TBC1D22A: variants seen among roughly 807,000 people sequenced by gnomAD.
TBC1D22A encodes TBC1 domain family member 22A.
TBC1D22A carries 38 observed loss-of-function variants against 60.2 expected under a neutral mutation model. That is an observed-to-expected ratio of 0.63 (90% CI 0.49 to 0.83). The LOEUF is 0.83. Among genes scored for constraint, TBC1D22A ranks in the 40% least tolerant of loss-of-function variants. The pLI is 0.00. For synonymous variants in TBC1D22A, 302 were observed against 281.7 expected (o/e 1.07, Z -0.72); for missense variants, 628 against 701.0 (o/e 0.90, Z 1.18).
At chr22:46,770,971 G>A (rs907727652) in intron 1 of TBC1D22A, among the ~76,000 whole-genome samples, 2 of 152,160 alleles carry the variant, frequency 1.3e-5, no homozygotes, top group Non-Finnish European at 2.9e-5. Flanking sequence ...GAGCTGGTGG[G>A]TGAGATTTTG....
intron 12 of TBC1D22A, among the ~76,000 whole-genome samples, chr22:47,114,971 C>T (rs562108534): frequency 4.2e-5 from 6 of 143,998 alleles, no homozygotes; most frequent in Non-Finnish European, 9.0e-5. Context: ...GGTTTGCTTC[C>T]TTGCCATCTG....
chr22:47,121,343 C>T (rs189224689), intron 12 of TBC1D22A, among the ~76,000 whole-genome samples: 8 of 152,248 alleles, frequency 5.3e-5, no homozygotes, highest in South Asian at 4.2e-4. Flanking sequence ...AGCCTTTCCT[C>T]GATCCAGTAA....
At chr22:46,986,581 G>T (rs1223021234) in intron 9 of TBC1D22A, among the ~76,000 whole-genome samples, 1 of 152,050 alleles carries the variant, frequency 6.6e-6, no homozygotes, top group African/African-American at 2.4e-5. Context: ...TTGGTATAGG[G>T]TTTTGCTCAT....
At chr22:46,842,164 AT>A (rs1453991996) in intron 4 of TBC1D22A, among the ~76,000 whole-genome samples, 3 of 152,310 alleles carry the variant, frequency 2.0e-5, no homozygotes, top group African/African-American at 7.2e-5. Context: ...GGCACCATCA[AT>A]TTTGCATTCT....
chr22:47,073,209 G>A (rs954355005), intron 11 of TBC1D22A, among the ~76,000 whole-genome samples: 10 of 152,200 alleles, frequency 6.6e-5, no homozygotes, highest in African/African-American at 2.4e-4. Context: ...GAAAACTCAC[G>A]AGGAAAGAGG....
rs981914940 is a variant in TBC1D22A at position 46,924,099 on chromosome 22, C to T, written c.1015+11911C>T. The stretch of plus-strand genomic sequence containing the variant: ...GCAGACAATTGTATTTTAGCTTAAA[C>T]ATTTTTAGCAGAGCAAGAAACAAAG... On this transcript the variant is annotated intron_variant, in intron 8 of 12. Transcript: ENST00000337137. Among the ~76,000 whole-genome samples the T allele has an allele frequency of 2.6e-5, 4 of 152,210 alleles. No homozygotes were observed. The East Asian group carries it at 7.7e-4, about 29-fold the overall frequency.
In TBC1D22A at chr22:47,068,052, G is replaced by A. The variant is rs752963678; in HGVS notation, c.1329+30854G>A. Among the ~76,000 whole-genome samples the A allele has an allele frequency of 1.4e-4, 21 of 152,384 alleles. No homozygotes were observed. The East Asian group carries it at 2.1e-3, about 15-fold the overall frequency. On this transcript the variant is annotated intron_variant, in intron 11 of 12. Transcript: ENST00000337137. ...AGTAGACATACCTCCACCAGAGTCCGCGAAAGCGCTCGGCAGGGAGAGCTG... is the reference window on the plus strand; with the variant it reads ...AGTAGACATACCTCCACCAGAGTCCACGAAAGCGCTCGGCAGGGAGAGCTG...
chr22:46,921,240 G>A (rs535639940), intron 8 of TBC1D22A, among the ~76,000 whole-genome samples: 62 of 152,134 alleles, frequency 4.1e-4, no homozygotes, highest in Admixed American at 9.2e-4. Flanking sequence ...CCCTCCTCCC[G>A]CTCTCCACCC....
intron 11 of TBC1D22A, among the ~76,000 whole-genome samples, chr22:47,091,360 G>A (rs2064960772): frequency 8.1e-6 from 1 of 123,812 alleles, no homozygotes; most frequent in African/African-American, 3.3e-5. Context: ...GGGGGGAGTG[G>A]CCTCGCAGAG....
At chr22:46,847,862 A>G (rs117555449) in intron 4 of TBC1D22A, among the ~76,000 whole-genome samples, 1 of 152,324 alleles carries the variant, frequency 6.6e-6, no homozygotes, top group East Asian at 1.9e-4. Flanking sequence ...ACATCTAAAA[A>G]CATGTAGAGG....
At chr22:46,905,033 C>T (rs1372749395) in intron 7 of TBC1D22A, among the ~76,000 whole-genome samples, 1 of 152,110 alleles carries the variant, frequency 6.6e-6, no homozygotes, top group African/African-American at 2.4e-5. Context: ...CTCGGCCTCC[C>T]GAAGTGCTGG....
intron 4 of TBC1D22A, among the ~76,000 whole-genome samples, chr22:46,803,847 T>C (rs570156751): frequency 6.6e-6 from 1 of 152,330 alleles, no homozygotes; most frequent in East Asian, 1.9e-4. Flanking sequence ...CTTCTGTGCA[T>C]GCACTGGCCC....
intron 10 of TBC1D22A, among the ~76,000 whole-genome samples, chr22:47,029,340 A>T (rs879804336): frequency 6.6e-6 from 1 of 152,088 alleles, no homozygotes; most frequent in Middle Eastern, 3.4e-3. Flanking sequence ...ACCCCTCCCA[A>T]TGGGGCCAGG....
chr22:46,796,379 G>A (rs2084654257), intron 3 of TBC1D22A, among the ~76,000 whole-genome samples: 1 of 152,148 alleles, frequency 6.6e-6, no homozygotes, highest in African/African-American at 2.4e-5. Flanking sequence ...GGAGGGCGCG[G>A]GGGAGTGCGG....
chr22:46,929,237 C>T (rs1046854977), intron 8 of TBC1D22A, among the ~76,000 whole-genome samples: 16 of 152,108 alleles, frequency 1.1e-4, no homozygotes, highest in African/African-American at 3.9e-4. Flanking sequence ...TGTGGTGGCT[C>T]CATAAACAAA....
chr22:46,909,295 TAC>T (rs142551402), intron 7 of TBC1D22A, among the ~76,000 whole-genome samples: 14,215 of 150,480 alleles, frequency 0.094, 936 homozygotes, highest in Middle Eastern at 0.16. Context: ...CCTATACACA[TAC>T]ACACACACAC....
intron 4 of TBC1D22A, among the ~76,000 whole-genome samples, chr22:46,851,880 T>C (rs1237390157): frequency 6.6e-6 from 1 of 152,196 alleles, no homozygotes; most frequent in Non-Finnish European, 1.5e-5. Context: ...ATGAATGTCA[T>C]GTTGGTCAAA....
At chr22:47,068,191 AC>A (rs1370561730) in intron 11 of TBC1D22A, among the ~76,000 whole-genome samples, 2 of 152,196 alleles carry the variant, frequency 1.3e-5, no homozygotes, top group African/African-American at 4.8e-5. Flanking sequence ...CTCTGGCCGG[AC>A]CCTTGACTGG....
At chr22:47,083,775 A>C (rs575015280) in intron 11 of TBC1D22A, among the ~76,000 whole-genome samples, 10 of 152,292 alleles carry the variant, frequency 6.6e-5, no homozygotes, top group Middle Eastern at 3.4e-3. Flanking sequence ...GCCATCAAAC[A>C]CTTGAAGAAG....
Sources: allele counts gnomAD v4.1 joint callset (sites outside exome capture counted in the v4.1 genomes callset), GRCh38; gene constraint gnomAD v4.1.1; transcripts MANE v1.5; gene names NCBI Gene and HGNC (gene_info 2026-07-23, HGNC 2026-07-21).